Variants in NELFCD observed in about 807,000 individuals in gnomAD.
The protein encoded by NELFCD is negative elongation factor C/D.
Under a neutral mutation model 72.9 loss-of-function variants are expected in NELFCD, and 48 were observed. The ratio of observed to expected loss-of-function variants is 0.66; its 90% CI spans 0.52 to 0.84. NELFCD has a LOEUF of 0.84. Among genes scored for constraint, NELFCD ranks in the 40% least tolerant of loss-of-function variants. NELFCD has a pLI of 0.00. For synonymous variants in NELFCD, 297 were observed against 280.6 expected (o/e 1.06, Z -0.59); for missense variants, 538 against 723.8 (o/e 0.74, Z 2.94).
rs185503540 is a variant in NELFCD at position 58,988,492 on chromosome 20, C to T, written c.397-422C>T. On this transcript the variant is annotated intron_variant, in intron 4 of 14. Transcript: ENST00000652272. ...TTCAGAGCACAGTCCTTGAGGACAT[C>T]CGTCACATAGGAGAGCTGAGAGAAA... Among the ~76,000 whole-genome samples the T allele has an allele frequency of 2.6e-5, 4 of 152,304 alleles. No individual in the cohort carries two copies. In the East Asian group the frequency reaches 7.7e-4, roughly 29 times the overall value.
intron 1 of NELFCD, among the ~76,000 whole-genome samples, chr20:58,981,571 C>G (rs900886315): frequency 3.5e-5 from 5 of 143,598 alleles, no homozygotes; most frequent in African/African-American, 1.2e-4. Flanking sequence ...GCGCGGCCGC[C>G]GGGGTCCCCG....
At position 58,993,185 on chromosome 20, in the gene NELFCD, C is replaced by A. The variant is rs963796969; in HGVS notation, c.1344+73C>A. ...GCTGTTTACGTTGGCATTAACATTG[C>A]ATCTATTCAGTGAGTTTAGAGGATA... is the stretch of plus-strand genomic sequence containing the variant. On this transcript the variant is annotated intron_variant, in intron 11 of 14. Transcript: ENST00000652272. This position sits in a 1 kb window ranked among gnomAD's most constrained non-coding sequence, Gnocchi z 5.0. The A allele has an allele frequency of 1.8e-6, 2 of 1,136,154 alleles. No individual in the cohort carries two copies. The highest frequency in any genetic ancestry group is 2.7e-6 in the Non-Finnish European group (2 of 747,276). 70.4% of individuals were successfully genotyped at this position (1,136,154 alleles called of 1,614,324 possible).
At chr20:58,987,508 C>T (rs1357946201) in intron 3 of NELFCD, 200 bp from the exon 4 acceptor site, 1 of 568,200 alleles carries the variant, frequency 1.8e-6, no homozygotes, top group African/African-American at 1.9e-5. Flanking sequence ...GTGGACCAGA[C>T]TTGTGTGTTC....
In NELFCD at chr20:58,993,450, T is replaced by A; in HGVS notation, c.1346T>A (p.Ile449Asn). The change falls in exon 12 of 15, where the codon ATC becomes AAC. Residue 449 changes from isoleucine (I) to asparagine (N), a missense_variant and splice_region_variant. Transcript: ENST00000652272. The surrounding 1 kb of genome is among the most constrained non-coding windows in gnomAD (Gnocchi z 5.0). Reference protein sequence around the residue: ...TPVHLALLDEISTCHQLLHPQ... With the variant: ...TPVHLALLDENSTCHQLLHPQ... ...AAGCTCCCTCTGGCCTGTTTGTAGA[T>A]CAGCACCTGCCACCAGCTCCTGCAC... The A allele has an allele frequency of 6.2e-7, 1 of 1,613,538 alleles. No homozygotes were observed. The highest frequency in any genetic ancestry group is 8.5e-7 in the Non-Finnish European group (1 of 1,180,016).
intron 1 of NELFCD, among the ~76,000 whole-genome samples, chr20:58,983,556 G>A (rs1012659686): frequency 1.3e-5 from 2 of 151,430 alleles, no homozygotes; most frequent in Non-Finnish European, 2.9e-5. Flanking sequence ...TCTCCAAGTA[G>A]CTGGAATTAC....
In NELFCD at chr20:58,993,938, C is replaced by T. The variant is rs1432263438; in HGVS notation, c.1582-172C>T. ...CCTTCTGCCTGCAGCAGCTGTATGACACACTTTACCTCCATTACCACCCTG... is the reference window on the plus strand; with the variant it reads ...CCTTCTGCCTGCAGCAGCTGTATGATACACTTTACCTCCATTACCACCCTG... On this transcript the variant is annotated intron_variant, in intron 13 of 14. Coordinates refer to ENST00000652272, the MANE Select transcript of NELFCD (RefSeq NM_198976.4). This position sits in a 1 kb window ranked among gnomAD's most constrained non-coding sequence, Gnocchi z 5.0. 3 of 1,060,116 alleles carry T rather than the reference C, an allele frequency of 2.8e-6. No homozygotes were observed. The highest frequency in any genetic ancestry group is 2.4e-5 in the East Asian group (1 of 41,994). 65.7% of individuals were successfully genotyped at this position (1,060,116 alleles called of 1,614,324 possible).
chr20:58,982,829 T>C (rs1015186761), intron 1 of NELFCD, among the ~76,000 whole-genome samples: 1 of 151,852 alleles, frequency 6.6e-6, no homozygotes, highest in African/African-American at 2.4e-5. Context: ...GTGGATAGAG[T>C]CAGACTTAGC....
At chr20:58,991,626 T>G (rs2091818080) in intron 9 of NELFCD, 180 bp downstream of exon 9, 1 of 767,718 alleles carries the variant, frequency 1.3e-6, no homozygotes, top group Admixed American at 2.9e-5. Context: ...GCGTAATGTC[T>G]CCAATGCTCT....
In NELFCD at chr20:58,986,610, T is replaced by C; in HGVS notation, c.177-144T>C. ...CTCCCACCTCTGCCTCCCAAAGTGC[T>C]GGGATTACAGGTGTGCACCACTGCA... On this transcript the variant is annotated intron_variant, in intron 2 of 14. Transcript: ENST00000652272. This position sits in a 1 kb window ranked among gnomAD's most constrained non-coding sequence, Gnocchi z 4.4. 1 of 712,556 alleles carries C rather than the reference T, an allele frequency of 1.4e-6. No individual in the cohort carries two copies. Among genetic ancestry groups the C allele is most frequent in the South Asian group, 1.5e-5 (1 of 65,174 alleles). 44.1% of individuals were successfully genotyped at this position (712,556 alleles called of 1,614,324 possible).
rs1355225507 is a variant in NELFCD at position 58,986,649 on chromosome 20, G to A, written c.177-105G>A. The A allele has an allele frequency of 2.7e-5, 22 of 829,542 alleles. No individual in the cohort carries two copies. Among genetic ancestry groups the A allele is most frequent in the Middle Eastern group, 3.0e-4 (1 of 3,352 alleles). 51.4% of individuals were successfully genotyped at this position (829,542 alleles called of 1,614,324 possible). A position where few individuals can be genotyped will look rare whatever the true frequency, so the allele number is the denominator to read the frequency against. ...TGCACCACTGCACCCAGCCCCCTCCGCTGCTTTAAAAATTTTGAAACCTGA... is the reference window on the plus strand; with the variant it reads ...TGCACCACTGCACCCAGCCCCCTCCACTGCTTTAAAAATTTTGAAACCTGA... On this transcript the variant is annotated intron_variant, in intron 2 of 14. Transcript: ENST00000652272. The surrounding 1 kb of genome is among the most constrained non-coding windows in gnomAD (Gnocchi z 4.4).
Position 58,993,185 on chromosome 20 carries a change from C to CATCT in NELFCD, c.1344+76_1344+79dup. ...GCTGTTTACGTTGGCATTAACATTG[C>CATCT]ATCTATTCAGTGAGTTTAGAGGATA... On this transcript the variant is annotated intron_variant, in intron 11 of 14. Transcript: ENST00000652272. The surrounding 1 kb of genome is among the most constrained non-coding windows in gnomAD (Gnocchi z 5.0). The CATCT allele has an allele frequency of 8.8e-7, 1 of 1,136,280 alleles. No individual in the cohort carries two copies. Among genetic ancestry groups the CATCT allele is most frequent in the South Asian group, 1.2e-5 (1 of 80,694 alleles). 70.4% of individuals were successfully genotyped at this position (1,136,280 alleles called of 1,614,324 possible). A position where few individuals can be genotyped will look rare whatever the true frequency, so the allele number is the denominator to read the frequency against.
chr20:58,992,731 C>CA (rs1232787702), intron 10 of NELFCD, among the ~76,000 whole-genome samples: 1 of 150,312 alleles, frequency 6.7e-6, no homozygotes, highest in Non-Finnish European at 1.5e-5. Context: ...CCTCTCTCTA[C>CA]AAAAAATTAG....
chr20:58,995,085 A>G lies in NELFCD; in HGVS notation c.*409A>G, dbSNP rs556249762. On this transcript the variant is annotated 3_prime_UTR_variant, in exon 15 of 15. Coordinates refer to ENST00000652272, the MANE Select transcript of NELFCD (RefSeq NM_198976.4). The stretch of plus-strand genomic sequence containing the variant: ...TTGTAATTGTCTTAATTTGCTAAGA[A>G]CAAGTAATAAGTAAATTTTTAAAAA... 2.7e-5 allele frequency: 5 copies of G among 188,518 alleles called. No homozygotes were observed. The East Asian group carries it at 7.1e-4, about 27-fold the overall frequency. 11.7% of individuals were successfully genotyped at this position (188,518 alleles called of 1,614,324 possible).
rs1250059299 is a variant in NELFCD, at chr20:58,993,460, C to T, written c.1356C>T (p.Cys452=). Residue 452 remains cysteine (C), a synonymous_variant, in exon 12 of 15, where the codon TGC becomes TGT. Transcript: ENST00000652272. This position sits in a 1 kb window ranked among gnomAD's most constrained non-coding sequence, Gnocchi z 5.0. The stretch of plus-strand genomic sequence containing the variant: ...TGGCCTGTTTGTAGATCAGCACCTG[C>T]CACCAGCTCCTGCACCCCCAGGTCC... ...HLALLDEIST[C]HQLLHPQVLQ... 3 of 1,613,616 alleles carry T rather than the reference C, an allele frequency of 1.9e-6. No individual in the cohort carries two copies. The highest frequency in any genetic ancestry group is 2.2e-5 in the East Asian group (1 of 44,900).
At position 58,991,392 on chromosome 20, in the gene NELFCD, C is replaced by T; in HGVS notation, c.1035C>T (p.His345=). 1 of 1,614,220 alleles carries T rather than the reference C, an allele frequency of 6.2e-7. No individual in the cohort carries two copies. The highest frequency in any genetic ancestry group is 8.5e-7 in the Non-Finnish European group (1 of 1,180,034). The change falls in exon 9 of 15, where the codon CAC becomes CAT. Residue 345 remains histidine, a synonymous_variant. Transcript: ENST00000652272. ...PGARINQDHK[H]KYIHILAYAA... is the part of the protein sequence containing the mutation. ...CTCGGATCAACCAGGACCACAAGCA[C>T]AAATACATCCACATCTTGGCGTACG... is the stretch of plus-strand genomic sequence containing the variant.
At chr20:58,982,003 G>T (rs2091737114) in intron 1 of NELFCD, among the ~76,000 whole-genome samples, 1 of 151,488 alleles carries the variant, frequency 6.6e-6, no homozygotes. Flanking sequence ...AGCCAGGGCA[G>T]GTAGCTCTAG....
At position 58,995,033 on chromosome 20, in the gene NELFCD, A is replaced by G; in HGVS notation, c.*357A>G. The G allele has an allele frequency of 4.2e-6, 1 of 240,870 alleles. No homozygotes were observed. Among genetic ancestry groups the G allele is most frequent in the East Asian group, 8.9e-5 (1 of 11,272 alleles). The allele number at this position is 240,870 out of a possible 1,614,324, so 14.9% of individuals were successfully genotyped here. A position where few individuals can be genotyped will look rare whatever the true frequency, so the allele number is the denominator to read the frequency against. On this transcript the variant is annotated 3_prime_UTR_variant, in exon 15 of 15. Coordinates refer to ENST00000652272, the MANE Select transcript of NELFCD (RefSeq NM_198976.4). The stretch of plus-strand genomic sequence containing the variant: ...TTTCCAAGCTGACCTCAGTTTTCTC[A>G]CAAGAACCCAGTTAGCTGATGTTTT...
At position 58,994,855 on chromosome 20, in the gene NELFCD, A is replaced by C. The variant is rs371727543; in HGVS notation, c.*179A>C. On this transcript the variant is annotated 3_prime_UTR_variant, in exon 15 of 15. Transcript: ENST00000652272. ...AGCTTCAGTGAGAAACTGCCCTTAC[A>C]AACAGTCCCTTCTCTGCTGTCAATC... 1.1e-4 allele frequency: 68 copies of C among 615,280 alleles called. No homozygotes were observed. In the East Asian group the frequency reaches 1.5e-3, roughly 13 times the overall value. The allele number at this position is 615,280 out of a possible 1,614,324, so 38.1% of individuals were successfully genotyped here. A position where few individuals can be genotyped will look rare whatever the true frequency, so the allele number is the denominator to read the frequency against.
At chr20:58,990,061 C>G in intron 7 of NELFCD, 73 bp downstream of exon 7, 1 of 1,568,348 alleles carries the variant, frequency 6.4e-7, no homozygotes, top group South Asian at 1.1e-5. Context: ...GGCCCGTGTT[C>G]CACAGCCAAA....
Sources: gnomAD v4.1 joint callset for allele counts (sites outside exome capture counted in the v4.1 genomes callset) on GRCh38, gnomAD v4.1.1 for gene constraint, Gnocchi (gnomAD v3.1) non-coding constraint, MANE v1.5 for transcripts, NCBI Gene and HGNC (gene_info 2026-07-23, HGNC 2026-07-21) for gene names.